The following PRH1 variants were observed in gnomAD, a reference collection of about 807,000 sequenced individuals.
PRH1 encodes the protein proline rich protein HaeIII subfamily 1, also known as salivary acidic proline-rich phosphoprotein 1/2.
Under a neutral mutation model 7.9 loss-of-function variants are expected in PRH1, and 7 were observed. The observed-to-expected ratio is 0.89, with a 90% CI of 0.50 to 1.67. The LOEUF (loss-of-function observed/expected upper bound fraction) is 1.67, where lower values mean the gene tolerates loss of function less well. PRH1 is among the 40% of genes most tolerant of loss of function. The probability of loss-of-function intolerance (pLI) is 0.00; values close to 1 mark genes in which losing one functional copy is unlikely to be tolerated. For synonymous variants in PRH1, 45 were observed against 80.8 expected, an observed-to-expected ratio of 0.56 and a Z score of 2.38; for missense variants, 109 against 223.6, an observed-to-expected ratio of 0.49 and a Z score of 3.27.
At chr12:11,133,621 C>G in intron 1 of PRH1, 1 of 1,614,264 alleles carries the variant, frequency 6.2e-7, no homozygotes, top group Non-Finnish European at 8.5e-7. Context: ...GGAGCTGCAT[C>G]TTCTTGAGAT....
intron 1 of PRH1, among the ~76,000 whole-genome samples, chr12:11,063,946 C>T (rs759138404): frequency 1.3e-5 from 2 of 152,020 alleles, no homozygotes; most frequent in Non-Finnish European, 2.9e-5. Flanking sequence ...TTCTATGAGA[C>T]ATATCTCCTA....
intron 2 of PRH1, among the ~76,000 whole-genome samples, chr12:10,920,406 T>A (rs981799250): frequency 1.3e-5 from 2 of 152,192 alleles, no homozygotes; most frequent in Non-Finnish European, 2.9e-5. Context: ...TTTTTGCATA[T>A]CTATATAGTT....
intron 1 of PRH1, among the ~76,000 whole-genome samples, chr12:11,141,782 T>G (rs74984410): frequency 0.015 from 2,322 of 152,188 alleles, 19 homozygotes; most frequent in South Asian, 0.031. Flanking sequence ...CAGTGAGAAC[T>G]TCCTTGTTTT....
intron 1 of PRH1, among the ~76,000 whole-genome samples, chr12:11,037,189 T>C (rs1942466446): frequency 6.6e-6 from 1 of 152,240 alleles, no homozygotes; most frequent in African/African-American, 2.4e-5. Context: ...TATGCAATAA[T>C]ACAGTATATC....
intron 2 of PRH1, among the ~76,000 whole-genome samples, chr12:10,896,121 C>T (rs1486730082): frequency 6.6e-6 from 1 of 152,168 alleles, no homozygotes; most frequent in Non-Finnish European, 1.5e-5. Context: ...ATTATATTCC[C>T]TGCTACTATT....
chr12:11,062,603 T>TCTCATTTG (rs1943660910), intron 1 of PRH1, among the ~76,000 whole-genome samples: 1 of 152,124 alleles, frequency 6.6e-6, no homozygotes, highest in African/African-American at 2.4e-5. Context: ...AAACCTGAAT[T>TCTCATTTG]CTCATTTGCT....
At chr12:11,068,270 T>C (rs763091747) in intron 1 of PRH1, among the ~76,000 whole-genome samples, 21 of 152,344 alleles carry the variant, frequency 1.4e-4, no homozygotes, top group Non-Finnish European at 2.2e-4. Context: ...TAGAGTTTTA[T>C]CACCAATGTA....
At chr12:10,883,121 G>C (rs1949434709) in intron 1 of PRH1, 25 bp from the exon 2 acceptor site, 1 of 1,611,112 alleles carries the variant, frequency 6.2e-7, no homozygotes, top group Non-Finnish European at 8.5e-7. Flanking sequence ...CAGGATGATG[G>C]GAAAAGTTAC....
intron 2 of PRH1, among the ~76,000 whole-genome samples, chr12:10,922,082 C>G (rs999211477): frequency 2.6e-5 from 4 of 152,122 alleles, no homozygotes; most frequent in African/African-American, 9.7e-5. Flanking sequence ...GCCTCTGATT[C>G]TTTAAAAACC....
intron 2 of PRH1, chr12:10,965,240 C>T: frequency 6.8e-7 from 1 of 1,479,470 alleles, no homozygotes; most frequent in East Asian, 3.2e-5. Context: ...GATCTTTTGT[C>T]TCTTGACCCA....
At chr12:10,959,990 T>C (rs544609861) in intron 2 of PRH1, among the ~76,000 whole-genome samples, 16 of 152,238 alleles carry the variant, frequency 1.1e-4, no homozygotes, top group African/African-American at 3.9e-4. Flanking sequence ...CAGTAAACCA[T>C]GTCCAATGTT....
rs540137740 is a variant in PRH1 at position 10,973,314 on chromosome 12, A to T, written c.-59+341T>A. The T allele has an allele frequency of 1.6e-5, 3 of 192,376 alleles. No homozygotes were observed. In the South Asian group the frequency reaches 5.8e-4, roughly 37 times the overall value. 11.9% of individuals were successfully genotyped at this position (192,376 alleles called of 1,614,324 possible). Reference sequence around the variant, plus strand: ...GATTACTTAATGGCTTAAGATTAATAGATGCTAAAATAAGACTCCAACCTT... The same window carrying T: ...GATTACTTAATGGCTTAAGATTAATTGATGCTAAAATAAGACTCCAACCTT... On this transcript the variant is annotated intron_variant, in intron 2 of 3. Coordinates refer to the PRH1 transcript ENST00000539853.
intron 2 of PRH1, among the ~76,000 whole-genome samples, chr12:10,925,014 C>T (rs1246289058): frequency 6.6e-6 from 1 of 152,120 alleles, no homozygotes. Flanking sequence ...CAATTCTGCT[C>T]TGATCTTAGT....
intron 1 of PRH1, among the ~76,000 whole-genome samples, chr12:11,040,601 C>T (rs1027943564): frequency 6.6e-6 from 1 of 152,158 alleles, no homozygotes; most frequent in Non-Finnish European, 1.5e-5. Context: ...AGGAGAAATA[C>T]CTAATGTAGA....
At chr12:10,941,883 G>GT (rs1950407166) in intron 2 of PRH1, among the ~76,000 whole-genome samples, 1 of 152,176 alleles carries the variant, frequency 6.6e-6, no homozygotes, top group South Asian at 2.1e-4. Flanking sequence ...GCTGAAGGCT[G>GT]TTGTTTAGAC....
chr12:10,893,288 A>G (rs893635717), intron 2 of PRH1, among the ~76,000 whole-genome samples: 2 of 152,236 alleles, frequency 1.3e-5, no homozygotes, highest in African/African-American at 4.8e-5. Flanking sequence ...GTATCCAATT[A>G]TCAATGCTGC....
intron 2 of PRH1, among the ~76,000 whole-genome samples, chr12:10,967,762 A>C (rs1938579778): frequency 6.6e-6 from 1 of 152,234 alleles, no homozygotes; most frequent in South Asian, 2.1e-4. Flanking sequence ...ATAGTACCTC[A>C]ATTACAAATA....
intron 2 of PRH1, chr12:10,931,203 G>A (rs1198180355): frequency 1.3e-6 from 2 of 1,521,260 alleles, no homozygotes; most frequent in African/African-American, 2.8e-5. Context: ...TTTCTCATGA[G>A]TTTTGTTCAA....
At chr12:10,952,438 T>C (rs2053386501) in intron 2 of PRH1, among the ~76,000 whole-genome samples, 1 of 152,160 alleles carries the variant, frequency 6.6e-6, no homozygotes, top group Non-Finnish European at 1.5e-5. Flanking sequence ...ACTCCAAAAA[T>C]ATGCCTGGAA....
Sources: gnomAD v4.1 joint callset for allele counts (sites outside exome capture counted in the v4.1 genomes callset) on GRCh38, gnomAD v4.1.1 for gene constraint, MANE v1.5 for transcripts, NCBI Gene and HGNC (gene_info 2026-07-23, HGNC 2026-07-21) for gene names.